The following AP1M1 variants were observed in gnomAD, a reference collection of about 807,000 sequenced individuals.
AP1M1 encodes the protein AP-1 complex subunit mu-1.
In AP1M1, 18 loss-of-function variants were observed where a neutral mutation model predicts 57.1. The ratio of observed to expected loss-of-function variants is 0.32; its 90% CI spans 0.22 to 0.47. The LOEUF is 0.47. Ranked by LOEUF, AP1M1 falls within the 20% of genes least tolerant of loss-of-function variation. The probability of loss-of-function intolerance (pLI) is 1.00; values close to 1 mark genes in which losing one functional copy is unlikely to be tolerated. For synonymous variants in AP1M1, 241 were observed against 237.9 expected, an observed-to-expected ratio of 1.01 and a Z score of -0.12; for missense variants, 362 against 593.5, an observed-to-expected ratio of 0.61 and a Z score of 4.05.
intron 2 of AP1M1, among the ~76,000 whole-genome samples, chr19:16,204,833 C>CT (rs11307046): frequency 0.065 from 8,676 of 133,244 alleles, 577 homozygotes; most frequent in East Asian, 0.31. Context: ...TCTTAGGTGG[C>CT]TTTTTTTTTT....
Position 16,203,600 on chromosome 19 carries a change from CACA to C in AP1M1, c.190_192del (p.Asn64del), listed in dbSNP as rs1568347432. 2.5e-6 allele frequency: 4 copies of C among 1,612,120 alleles called. No individual in the cohort carries two copies. Among genetic ancestry groups the C allele is most frequent in the Non-Finnish European group, 2.5e-6 (3 of 1,178,782 alleles). On this transcript the variant is annotated inframe_deletion, in exon 2 of 12. Coordinates refer to ENST00000291439, the MANE Select transcript of AP1M1 (RefSeq NM_032493.4). This position sits in a 1 kb window ranked among gnomAD's most constrained non-coding sequence, Gnocchi z 4.6. ...GGGGGTCCGTTTCATGTGGATCAAA[CACA>C]ACAACCTGTATCGTATCCCTTTGCT...
chr19:16,226,688 A>G (rs2091572739), intron 6 of AP1M1, 141 bp downstream of exon 6: 2 of 1,066,462 alleles, frequency 1.9e-6, no homozygotes, highest in Non-Finnish European at 2.6e-6. Context: ...ACTGCTTGAG[A>G]CAGCTGTGTA....
intron 5 of AP1M1, among the ~76,000 whole-genome samples, chr19:16,221,546 A>G (rs976772391): frequency 1.3e-5 from 2 of 152,228 alleles, no homozygotes; most frequent in African/African-American, 4.8e-5. Context: ...AGAACAAAGG[A>G]AAAAGAGGAA....
Position 16,228,656 on chromosome 19 carries a change from A to T in AP1M1, c.889-114A>T. On this transcript the variant is annotated intron_variant, in intron 8 of 11. Coordinates refer to ENST00000291439, the MANE Select transcript of AP1M1 (RefSeq NM_032493.4). This position sits in a 1 kb window ranked among gnomAD's most constrained non-coding sequence, Gnocchi z 5.0. ...GGGTAGTGCCTGGAGAAGTGGGGCC[A>T]GGGGCGGGGCTAGGGAGGATCCCCC... 2 of 1,194,668 alleles carry T rather than the reference A, an allele frequency of 1.7e-6. No homozygotes were observed. The highest frequency in any genetic ancestry group is 2.4e-6 in the Non-Finnish European group (2 of 844,168). The allele number at this position is 1,194,668 out of a possible 1,614,324, so 74.0% of individuals were successfully genotyped here.
rs1179564179 is a variant in AP1M1, at chr19:16,234,462, C to G, written c.*27C>G. Reference sequence around the variant, plus strand: ...GGGCTGTCGCAGCCAACACCCCGGCCTCGGGGCTCCTGGTGGCAGCACCAG... The same window carrying G: ...GGGCTGTCGCAGCCAACACCCCGGCGTCGGGGCTCCTGGTGGCAGCACCAG... On this transcript the variant is annotated 3_prime_UTR_variant, in exon 12 of 12. Transcript: ENST00000291439. 6.2e-7 allele frequency: 1 copy of G among 1,612,968 alleles called. No individual in the cohort carries two copies. The highest frequency in any genetic ancestry group is 8.5e-7 in the Non-Finnish European group (1 of 1,179,810).
rs766129580 is a variant in AP1M1, at chr19:16,209,187, T to C, written c.546+10T>C. The C allele has an allele frequency of 6.2e-7, 1 of 1,613,092 alleles. No individual in the cohort carries two copies. Among genetic ancestry groups the C allele is most frequent in the African/African-American group, 1.3e-5 (1 of 74,812 alleles). ...GTCTGTCAACCTCTTGGTAGGCCTC[T>C]TTTCTTTCCTTCTTCTGTAGGGTTT... On this transcript the variant is annotated intron_variant, in intron 5 of 11. Transcript: ENST00000291439.
In AP1M1 at chr19:16,197,975, T is replaced by TCGCTGCCACCGCCACCGCCCTCGGC; in HGVS notation, c.-45_-44insACCGCCACCGCCCTCGGCCGCTGCC. Reference sequence around the variant, plus strand: ...GCTCAACGCCCAGCAGTCCCCACCGTCGCTGCCGCCGCCACCGCCCTCGGC... The same window carrying TCGCTGCCACCGCCACCGCCCTCGGC: ...GCTCAACGCCCAGCAGTCCCCACCGTCGCTGCCACCGCCACCGCCCTCGGCCGCTGCCGCCGCCACCGCCCTCGGC... On this transcript the variant is annotated 5_prime_UTR_variant, in exon 1 of 12. Coordinates refer to ENST00000291439, the MANE Select transcript of AP1M1 (RefSeq NM_032493.4). 10 of 1,451,794 alleles carry TCGCTGCCACCGCCACCGCCCTCGGC rather than the reference T, an allele frequency of 6.9e-6. No homozygotes were observed. The highest frequency in any genetic ancestry group is 4.7e-5 in the Admixed American group (2 of 42,444). 89.9% of individuals were successfully genotyped at this position (1,451,794 alleles called of 1,614,324 possible).
chr19:16,228,265 G>A lies in AP1M1; in HGVS notation c.888+57G>A. The A allele has an allele frequency of 1.3e-6, 2 of 1,562,904 alleles. No homozygotes were observed. Among genetic ancestry groups the A allele is most frequent in the Non-Finnish European group, 8.8e-7 (1 of 1,142,528 alleles). The stretch of plus-strand genomic sequence containing the variant: ...TTCTGGTGTCTCTGGCCCGTCCCAG[G>A]AGCCTAACCGAGGGCTGGGGGTGCC... On this transcript the variant is annotated intron_variant, in intron 8 of 11. Coordinates refer to ENST00000291439, the MANE Select transcript of AP1M1 (RefSeq NM_032493.4). This position sits in a 1 kb window ranked among gnomAD's most constrained non-coding sequence, Gnocchi z 5.0.
Position 16,227,794 on chromosome 19 carries a change from T to A in AP1M1, c.816+104T>A. ...CGCCAGGGCCAGCCCCACCCCACGC[T>A]CCATGAGCTGCCTGGCTCTGCAGAG... On this transcript the variant is annotated intron_variant, in intron 7 of 11. Coordinates refer to ENST00000291439, the MANE Select transcript of AP1M1 (RefSeq NM_032493.4). The surrounding 1 kb of genome is among the most constrained non-coding windows in gnomAD (Gnocchi z 6.2). The A allele has an allele frequency of 7.2e-7, 1 of 1,394,536 alleles. No homozygotes were observed. The highest frequency in any genetic ancestry group is 9.9e-7 in the Non-Finnish European group (1 of 1,012,914). The allele number at this position is 1,394,536 out of a possible 1,614,324, so 86.4% of individuals were successfully genotyped here.
At chr19:16,214,348 C>T (rs896638724) in intron 5 of AP1M1, among the ~76,000 whole-genome samples, 32 of 143,648 alleles carry the variant, frequency 2.2e-4, no homozygotes, top group African/African-American at 7.5e-4. Context: ...TGAGCCACTG[C>T]ACCCGGCCTT....
chr19:16,227,549 C>A lies in AP1M1; in HGVS notation c.675C>A (p.Arg225=). 1 of 1,613,702 alleles carries A rather than the reference C, an allele frequency of 6.2e-7. No individual in the cohort carries two copies. ...NDKVLFDNTG[R]GKSKSVELED... ...TCCTACCCTCACCCCTGACCCCAGG[C>A]GGCAAAAGCAAATCCGTGGAGCTGG... is the stretch of plus-strand genomic sequence containing the variant. The change falls in exon 7 of 12, where the codon CGC becomes CGA. Residue 225 remains arginine, a splice_region_variant and synonymous_variant. Coordinates refer to ENST00000291439, the MANE Select transcript of AP1M1 (RefSeq NM_032493.4). This position sits in a 1 kb window ranked among gnomAD's most constrained non-coding sequence, Gnocchi z 6.2.
chr19:16,217,546 G>T, intron 5 of AP1M1, among the ~76,000 whole-genome samples: 1 of 152,110 alleles, frequency 6.6e-6, no homozygotes, highest in South Asian at 2.1e-4. Context: ...CCCCGTTCAG[G>T]TACAGTCTGC....
chr19:16,222,923 A>C (rs2091552364), intron 5 of AP1M1, among the ~76,000 whole-genome samples: 1 of 152,204 alleles, frequency 6.6e-6, no homozygotes, highest in African/African-American at 2.4e-5. Context: ...AATTTTAAAA[A>C]TAGCTGTTTA....
rs372740150 is a variant in AP1M1, at chr19:16,207,925, C to T, written c.268-94C>T. On this transcript the variant is annotated intron_variant, in intron 3 of 11. Transcript: ENST00000291439. This position sits in a 1 kb window ranked among gnomAD's most constrained non-coding sequence, Gnocchi z 4.2. The stretch of plus-strand genomic sequence containing the variant: ...GAAGTAGGCTGTTGGTAGGACTTAG[C>T]GGGCAAATGAATGTGTGCAAGCGTT... 5 of 1,462,830 alleles carry T rather than the reference C, an allele frequency of 3.4e-6. No homozygotes were observed. The South Asian group carries it at 3.9e-5, about 11-fold the overall frequency. The allele number at this position is 1,462,830 out of a possible 1,614,324, so 90.6% of individuals were successfully genotyped here. A position where few individuals can be genotyped will look rare whatever the true frequency, so the allele number is the denominator to read the frequency against.
Position 16,207,754 on chromosome 19 carries a change from G to T in AP1M1, c.268-265G>T, listed in dbSNP as rs572888581. Among the ~76,000 whole-genome samples the T allele has an allele frequency of 2.1e-4, 32 of 152,096 alleles. No individual in the cohort carries two copies. The highest frequency in any genetic ancestry group is 3.7e-4 in the Non-Finnish European group (25 of 68,012). On this transcript the variant is annotated intron_variant, in intron 3 of 11. Coordinates refer to ENST00000291439, the MANE Select transcript of AP1M1 (RefSeq NM_032493.4). The surrounding 1 kb of genome is among the most constrained non-coding windows in gnomAD (Gnocchi z 4.2). ...AGGGGCTGCCTGTCTGCGGGTGTCTGGGCAGGGAAGAGAATGGGAACGCAG... is the reference window on the plus strand; with the variant it reads ...AGGGGCTGCCTGTCTGCGGGTGTCTTGGCAGGGAAGAGAATGGGAACGCAG...
At chr19:16,220,037 G>A (rs2362485) in intron 5 of AP1M1, among the ~76,000 whole-genome samples, 100,127 of 152,078 alleles carry the variant, frequency 0.66, 35,215 homozygotes, top group Non-Finnish European at 0.8. Flanking sequence ...TAATGTTTTT[G>A]TCTGGTTTTG....
Position 16,208,203 on chromosome 19 carries a change from G to A in AP1M1, c.398+54G>A, listed in dbSNP as rs184899924. Reference sequence around the variant, plus strand: ...CAGGCCTGGGCGGTGTCATGACATCGACGTCATCAGGTGTGGAAACAGAAG... The same window carrying A: ...CAGGCCTGGGCGGTGTCATGACATCAACGTCATCAGGTGTGGAAACAGAAG... On this transcript the variant is annotated intron_variant, in intron 4 of 11. Coordinates refer to ENST00000291439, the MANE Select transcript of AP1M1 (RefSeq NM_032493.4). 105 of 1,547,070 alleles carry A rather than the reference G, an allele frequency of 6.8e-5. No individual in the cohort carries two copies. In the South Asian group the frequency reaches 9.2e-4, roughly 14 times the overall value.
At chr19:16,230,694 C>T (rs773376775) in intron 9 of AP1M1, among the ~76,000 whole-genome samples, 2 of 152,018 alleles carry the variant, frequency 1.3e-5, no homozygotes, top group Non-Finnish European at 2.9e-5. Context: ...CCACCGTGCC[C>T]GGCTGGTAAA....
chr19:16,233,504 G>A lies in AP1M1; in HGVS notation c.1059G>A (p.Glu353=). Reference sequence around the variant, plus strand: ...CGTCTGCTCCCCAGGGCGGCAAGGAGTACCTGATGCGGGCCCACTTCGGCC... The same window carrying A: ...CGTCTGCTCCCCAGGGCGGCAAGGAATACCTGATGCGGGCCCACTTCGGCC... ...WSIKSFPGGK[E]YLMRAHFGLP... Residue 353 remains glutamate (E), a synonymous_variant, in exon 10 of 12, where the codon GAG becomes GAA. Coordinates refer to ENST00000291439, the MANE Select transcript of AP1M1 (RefSeq NM_032493.4). 6.2e-7 allele frequency: 1 copy of A among 1,604,020 alleles called. No homozygotes were observed. Among genetic ancestry groups the A allele is most frequent in the Non-Finnish European group, 8.5e-7 (1 of 1,175,784 alleles).
Sources: gnomAD v4.1 joint callset for allele counts (sites outside exome capture counted in the v4.1 genomes callset) on GRCh38, gnomAD v4.1.1 for gene constraint, Gnocchi (gnomAD v3.1) non-coding constraint, MANE v1.5 for transcripts, NCBI Gene and HGNC (gene_info 2026-07-23, HGNC 2026-07-21) for gene names.